Variants in RPS6KA2 observed in about 807,000 individuals in gnomAD.
The protein encoded by RPS6KA2 is ribosomal protein S6 kinase alpha-2.
A neutral mutation model predicts 91.8 loss-of-function variants in RPS6KA2; 42 were observed. The ratio of observed to expected loss-of-function variants is 0.46; its 90% CI spans 0.36 to 0.59. The LOEUF is 0.59. RPS6KA2 is among the 20% of genes least tolerant of loss of function. RPS6KA2 has a pLI of 0.00. For missense variants in RPS6KA2, 798 were observed against 978.5 expected, an observed-to-expected ratio of 0.82 and a Z score of 2.46; for synonymous variants, 414 against 393.6, an observed-to-expected ratio of 1.05 and a Z score of -0.61.
At chr6:166,681,031 C>T (rs574445168) in intron 2 of RPS6KA2, among the ~76,000 whole-genome samples, 1 of 152,328 alleles carries the variant, frequency 6.6e-6, no homozygotes, top group African/African-American at 2.4e-5. Flanking sequence ...TCTCCCATAT[C>T]TTCTCACCCC....
chr6:166,679,322 G>A (rs964177357), intron 2 of RPS6KA2, among the ~76,000 whole-genome samples: 22 of 151,828 alleles, frequency 1.4e-4, no homozygotes, highest in Non-Finnish European at 2.9e-4. Flanking sequence ...AAATTAGCCA[G>A]GCATGGTGGC....
chr6:166,477,234 C>CA (rs1367630345), intron 10 of RPS6KA2, among the ~76,000 whole-genome samples: 3 of 152,134 alleles, frequency 2.0e-5, no homozygotes, highest in Non-Finnish European at 4.4e-5. Flanking sequence ...GGAGGGTCCA[C>CA]AGCTCCTCGA....
chr6:166,580,519 A>T (rs575411440), intron 1 of RPS6KA2, among the ~76,000 whole-genome samples: 1 of 152,356 alleles, frequency 6.6e-6, no homozygotes, highest in African/African-American at 2.4e-5. Flanking sequence ...ATAATGTTTT[A>T]AGAAAGTTTA....
At chr6:166,683,359 C>T (rs1475080312) in intron 2 of RPS6KA2, among the ~76,000 whole-genome samples, 1 of 152,206 alleles carries the variant, frequency 6.6e-6, no homozygotes, top group Non-Finnish European at 1.5e-5. Context: ...AATGTATTTC[C>T]AAGCAAGCAG....
chr6:166,430,733 G>T, intron 15 of RPS6KA2, 122 bp from the exon 16 acceptor site: 1 of 980,084 alleles, frequency 1.0e-6, no homozygotes, highest in Non-Finnish European at 1.5e-6. Flanking sequence ...GGTCCTATGG[G>T]AGTGCAAACA....
intron 12 of RPS6KA2, among the ~76,000 whole-genome samples, chr6:166,452,563 C>A (rs1411041876): frequency 2.0e-5 from 3 of 152,134 alleles, no homozygotes; most frequent in Non-Finnish European, 4.4e-5. Context: ...CATCACATTA[C>A]CTGACTTCAA....
chr6:166,430,650 G>A (rs1324107501), intron 15 of RPS6KA2, 39 bp from the exon 16 acceptor site: 2 of 1,580,164 alleles, frequency 1.3e-6, no homozygotes, highest in Non-Finnish European at 1.7e-6. Context: ...CACCACGGCT[G>A]GTTGCTGTGA....
intron 13 of RPS6KA2, among the ~76,000 whole-genome samples, chr6:166,450,105 ACCAACATGGAGACCAACACAG>A (rs1183987450): frequency 8.8e-4 from 120 of 136,366 alleles, no homozygotes; most frequent in Middle Eastern, 8.1e-3. Context: ...CACCATGGGG[ACCAACATGGAGACCAACACAG>A]GGACCACCAT....
intron 10 of RPS6KA2, among the ~76,000 whole-genome samples, chr6:166,480,509 ATATATAATATAT>A (rs1781170260): frequency 1.4e-4 from 14 of 101,656 alleles, no homozygotes; most frequent in Middle Eastern, 5.1e-3. Context: ...ATATATATAT[ATATATAATATAT>A]TTTTTTTTTT....
intron 2 of RPS6KA2, among the ~76,000 whole-genome samples, chr6:166,681,920 C>G (rs1034218059): frequency 6.6e-6 from 1 of 152,064 alleles, no homozygotes; most frequent in African/African-American, 2.4e-5. Flanking sequence ...CTGTGAGTCT[C>G]GACACCACCC....
chr6:166,757,680 T>C lies in RPS6KA2; in HGVS notation c.123+100520A>G, dbSNP rs577969322. 5.4e-4 allele frequency: 242 copies of C among 447,734 alleles called. 3 individuals carry two copies. Among genetic ancestry groups the C allele is most frequent in the South Asian group, 3.0e-3 (188 of 63,460 alleles). The allele number at this position is 447,734 out of a possible 1,614,324, so 27.7% of individuals were successfully genotyped here. On this transcript the variant is annotated intron_variant, in intron 2 of 21. Transcript: ENST00000503859. ...ATCACCTTGTGGGCTGCTGCGCCCG[T>C]CCTCGTCACCAGGCAGCCACCCCGC... is the stretch of plus-strand genomic sequence containing the variant.
intron 1 of RPS6KA2, among the ~76,000 whole-genome samples, chr6:166,550,812 C>T (rs995583851): frequency 2.0e-5 from 3 of 151,954 alleles, no homozygotes; most frequent in Non-Finnish European, 4.4e-5. Flanking sequence ...ACCATCCTGG[C>T]TAACACGGTG....
intron 2 of RPS6KA2, among the ~76,000 whole-genome samples, chr6:166,745,059 G>A (rs914135327): frequency 2.7e-5 from 4 of 150,516 alleles, no homozygotes; most frequent in African/African-American, 9.7e-5. Flanking sequence ...TGGCTTCTAG[G>A]GGGACCTTGC....
chr6:166,793,664 C>A (rs996254569), intron 2 of RPS6KA2, among the ~76,000 whole-genome samples: 1 of 152,156 alleles, frequency 6.6e-6, no homozygotes, highest in Non-Finnish European at 1.5e-5. Context: ...AGATACAGAA[C>A]AATGGAACAG....
At chr6:166,722,399 T>C (rs1253992010) in intron 2 of RPS6KA2, among the ~76,000 whole-genome samples, 1 of 152,066 alleles carries the variant, frequency 6.6e-6, no homozygotes, top group Non-Finnish European at 1.5e-5. Context: ...CCGCAGGGGG[T>C]GGGAGGCACA....
intron 2 of RPS6KA2, among the ~76,000 whole-genome samples, chr6:166,845,921 G>T (rs1159231012): frequency 6.6e-6 from 1 of 151,982 alleles, no homozygotes; most frequent in Non-Finnish European, 1.5e-5. Context: ...GAAACAAAAA[G>T]CTGGTTCTTT....
chr6:166,670,769 C>A (rs1788449807), intron 2 of RPS6KA2, among the ~76,000 whole-genome samples: 1 of 152,218 alleles, frequency 6.6e-6, no homozygotes, highest in African/African-American at 2.4e-5. Flanking sequence ...TTTCTCTACT[C>A]TTAAGGCTAC....
intron 2 of RPS6KA2, among the ~76,000 whole-genome samples, chr6:166,798,840 G>A (rs1219504596): frequency 6.6e-6 from 1 of 152,144 alleles, no homozygotes; most frequent in African/African-American, 2.4e-5. Flanking sequence ...GTGTGTTCCT[G>A]GTGGTGGCGC....
chr6:166,639,834 G>T lies in RPS6KA2; in HGVS notation c.124-101050C>A, dbSNP rs1470792701. 2.0e-5 allele frequency among the ~76,000 whole-genome samples: 3 copies of T among 151,894 alleles called. No individual in the cohort carries two copies. The highest frequency in any genetic ancestry group is 2.9e-5 in the Non-Finnish European group (2 of 67,992). On this transcript the variant is annotated intron_variant, in intron 2 of 21. Coordinates refer to the RPS6KA2 transcript ENST00000503859. This position sits in a 1 kb window ranked among gnomAD's most constrained non-coding sequence, Gnocchi z 4.2. The stretch of plus-strand genomic sequence containing the variant: ...CAGGCCCTGTTGGGGTCTCTCCTGG[G>T]TTCCTCTAGTTTGCTCACTGTGCTG...
Sources: allele counts gnomAD v4.1 joint callset (sites outside exome capture counted in the v4.1 genomes callset), GRCh38; gene constraint gnomAD v4.1.1; non-coding constraint Gnocchi (gnomAD v3.1); transcripts MANE v1.5; gene names NCBI Gene and HGNC (gene_info 2026-07-23, HGNC 2026-07-21).